ZNF728: variants seen among roughly 807,000 people sequenced by gnomAD.
The protein encoded by ZNF728 is zinc finger protein 728.
In ZNF728, 12 loss-of-function variants were observed where a neutral mutation model predicts 12.5. That is an observed-to-expected ratio of 0.96 (90% confidence interval 0.61 to 1.55). ZNF728 has a LOEUF of 1.55. ZNF728 is among the 40% of genes most tolerant of loss of function. ZNF728 has a pLI of 0.00. For synonymous variants in ZNF728, 205 were observed against 240.7 expected, an observed-to-expected ratio of 0.85 and a Z score of 1.37; for missense variants, 692 against 719.2, an observed-to-expected ratio of 0.96 and a Z score of 0.43.
At chr19:22,979,556 A>C (rs1389026500) in intron 3 of ZNF728, among the ~76,000 whole-genome samples, 1 of 152,162 alleles carries the variant, frequency 6.6e-6, no homozygotes, top group South Asian at 2.1e-4. Flanking sequence ...CCCAAGACAC[A>C]TAATTGTCAG....
intron 3 of ZNF728, among the ~76,000 whole-genome samples, chr19:22,982,012 A>G (rs112496260): frequency 1.8e-3 from 277 of 152,296 alleles, no homozygotes; most frequent in Non-Finnish European, 3.2e-3. Context: ...TCAACATAGT[A>G]TTGGAAGTTC....
chr19:22,988,389 G>A lies in ZNF728; in HGVS notation c.66C>T (p.Asp22=), dbSNP rs543866727. 4.6e-5 allele frequency: 75 copies of A among 1,614,144 alleles called. 1 individual carries two copies. The South Asian group carries it at 7.6e-4, about 16-fold the overall frequency. The part of the protein sequence containing the change: ...QFSLEEWQCL[D]TAQQNLYRNV... Reference sequence around the variant, plus strand: ...TCCTATATAAATTCTGCTGTGCAGTGTCCAGGCATTGCCACTCCTCCAGAG... The same window carrying A: ...TCCTATATAAATTCTGCTGTGCAGTATCCAGGCATTGCCACTCCTCCAGAG... The change falls in exon 2 of 4, where the codon GAC becomes GAT. Residue 22 remains aspartate (D), a synonymous_variant. Coordinates refer to ENST00000594710, the MANE Select transcript of ZNF728 (RefSeq NM_001267716.2).
chr19:22,978,293 T>A, intron 3 of ZNF728, among the ~76,000 whole-genome samples: 1 of 132,616 alleles, frequency 7.5e-6, no homozygotes. Flanking sequence ...TGTGAGATAG[T>A]CAAAGTCCTA....
intron 1 of ZNF728, among the ~76,000 whole-genome samples, chr19:22,992,751 A>G (rs1385443568): frequency 2.6e-5 from 4 of 152,174 alleles, no homozygotes; most frequent in Non-Finnish European, 5.9e-5. Flanking sequence ...TTTCTCTCAC[A>G]ATGGGACAGA....
intron 1 of ZNF728, among the ~76,000 whole-genome samples, chr19:22,991,282 A>G (rs1333073072): frequency 2.6e-5 from 4 of 152,242 alleles, no homozygotes; most frequent in Admixed American, 2.0e-4. Flanking sequence ...GTGATAGCAC[A>G]TTATGTGATT....
chr19:22,992,946 C>A lies in ZNF728; in HGVS notation c.4-4495G>T, dbSNP rs999295183. Among the ~76,000 whole-genome samples, 58 of 152,132 alleles carry A rather than the reference C, an allele frequency of 3.8e-4. 1 individual carries two copies. Among genetic ancestry groups the A allele is most frequent in the Non-Finnish European group, 5.9e-5 (4 of 68,022 alleles). ...AAAATGGAACTGCCTTGGTTGAACTCCCAAACCTGGGTCATCCATCCTGAT... is the reference window on the plus strand; with the variant it reads ...AAAATGGAACTGCCTTGGTTGAACTACCAAACCTGGGTCATCCATCCTGAT... On this transcript the variant is annotated intron_variant, in intron 1 of 3. Transcript: ENST00000594710.
At chr19:22,992,553 AT>A (rs35065991) in intron 1 of ZNF728, among the ~76,000 whole-genome samples, 45,846 of 149,230 alleles carry the variant, frequency 0.31, 8,898 homozygotes, top group African/African-American at 0.56. Flanking sequence ...TGCTTCATCT[AT>A]TTTTTTTTTA....
rs1328916406 is a variant in ZNF728, at chr19:23,003,084, AG to A, written c.-55del. ...TAGTTGTGAATCTCCCAATACCTGC[AG>A]GTCACAGGGCCATAGAAGCTGGGCC... On this transcript the variant is annotated 5_prime_UTR_variant, in exon 1 of 4. Coordinates refer to ENST00000594710, the MANE Select transcript of ZNF728 (RefSeq NM_001267716.2). 5 of 1,557,210 alleles carry A rather than the reference AG, an allele frequency of 3.2e-6. No homozygotes were observed. In the African/African-American group the frequency reaches 6.9e-5, roughly 22 times the overall value.
intron 3 of ZNF728, among the ~76,000 whole-genome samples, chr19:22,981,655 C>G (rs948806266): frequency 6.6e-6 from 1 of 152,142 alleles, no homozygotes; most frequent in Non-Finnish European, 1.5e-5. Flanking sequence ...CTGAATCCAG[C>G]AGCACATCAA....
rs1298197887 is a variant in ZNF728 at position 22,976,223 on chromosome 19, C to A, written c.1114G>T (p.Glu372Ter). 1 of 1,613,550 alleles carries A rather than the reference C, an allele frequency of 6.2e-7. No homozygotes were observed. The highest frequency in any genetic ancestry group is 1.7e-5 in the Admixed American group (1 of 59,984). Residue 372 changes from glutamate to a stop codon, truncating the protein, a stop_gained, in exon 4 of 4, where the codon GAA becomes TAA. Transcript: ENST00000594710. LOFTEE classifies it low-confidence loss of function (END_TRUNC). ...HTGEKPYKCEECGKAFSWPSS... is the reference protein window; with the variant it reads ...HTGEKPYKCE ...GGCCAGCTGAAGGCTTTGCCACATT[C>A]TTCACATTTGTAGGGTTTCTCTCCA...
chr19:22,989,278 C>T (rs547985869), intron 1 of ZNF728, among the ~76,000 whole-genome samples: 1 of 151,666 alleles, frequency 6.6e-6, no homozygotes, highest in South Asian at 2.1e-4. Flanking sequence ...AAAAGCTCAT[C>T]AGTATGCCAA....
intron 1 of ZNF728, 111 bp downstream of exon 1, chr19:23,002,915 GGC>G: frequency 7.1e-7 from 1 of 1,405,754 alleles, no homozygotes; most frequent in Non-Finnish European, 9.9e-7. Context: ...GAGAACACGG[GGC>G]ACAGATTGTG....
intron 1 of ZNF728, among the ~76,000 whole-genome samples, chr19:22,993,963 T>C (rs1371830894): frequency 6.6e-6 from 1 of 152,162 alleles, no homozygotes; most frequent in African/African-American, 2.4e-5. Context: ...AGGTCCTGCA[T>C]GGGTAAAATA....
chr19:22,991,222 T>C (rs118009792), intron 1 of ZNF728, among the ~76,000 whole-genome samples: 4,890 of 152,316 alleles, frequency 0.032, 122 homozygotes, highest in Middle Eastern at 0.065. Context: ...TGTGCACATG[T>C]ACTAATGTAA....
At chr19:22,982,341 A>T (rs1162917169) in intron 3 of ZNF728, among the ~76,000 whole-genome samples, 1 of 152,210 alleles carries the variant, frequency 6.6e-6, no homozygotes, top group Non-Finnish European at 1.5e-5. Context: ...GAGAACTACA[A>T]ACCACTGCTC....
At chr19:22,980,437 C>G (rs1315692930) in intron 3 of ZNF728, among the ~76,000 whole-genome samples, 1 of 152,132 alleles carries the variant, frequency 6.6e-6, no homozygotes, top group African/African-American at 2.4e-5. Flanking sequence ...TAGTGGGAGA[C>G]TTTAACACCC....
At position 22,975,062 on chromosome 19, in the gene ZNF728, G is replaced by A. The variant is rs570329581; in HGVS notation, c.*406C>T. 1.2e-4 allele frequency among the ~76,000 whole-genome samples: 18 copies of A among 152,258 alleles called. No homozygotes were observed. The East Asian group carries it at 3.5e-3, about 29-fold the overall frequency. On this transcript the variant is annotated 3_prime_UTR_variant, in exon 4 of 4. Transcript: ENST00000594710. ...TTTGTCACATTCTTCACATTTCTAGGATTTCTCACCAGTATGATTTCTTTT... is the reference window on the plus strand; with the variant it reads ...TTTGTCACATTCTTCACATTTCTAGAATTTCTCACCAGTATGATTTCTTTT...
intron 1 of ZNF728, among the ~76,000 whole-genome samples, chr19:22,997,754 A>G (rs1969064539): frequency 6.6e-6 from 1 of 151,906 alleles, no homozygotes; most frequent in Non-Finnish European, 1.5e-5. Context: ...GAAATAAACT[A>G]CTAGCTAGGT....
At chr19:22,987,855 C>T (rs185090569) in intron 2 of ZNF728, among the ~76,000 whole-genome samples, 1 of 152,270 alleles carries the variant, frequency 6.6e-6, no homozygotes, top group Non-Finnish European at 1.5e-5. Context: ...ATGTTGGGAG[C>T]CGAAAGGCTG....
Sources: allele counts gnomAD v4.1 joint callset (sites outside exome capture counted in the v4.1 genomes callset), GRCh38; gene constraint gnomAD v4.1.1; transcripts MANE v1.5; gene names NCBI Gene and HGNC (gene_info 2026-07-23, HGNC 2026-07-21).